Variants in CSMD2 observed in about 807,000 individuals in gnomAD.
The protein encoded by CSMD2 is CUB and sushi domain-containing protein 2.
Under a neutral mutation model 398.5 loss-of-function variants are expected in CSMD2, and 130 were observed. The observed-to-expected ratio is 0.33, with a 90% CI of 0.28 to 0.38. The LOEUF (loss-of-function observed/expected upper bound fraction) is 0.38. CSMD2 is among the 10% of genes least tolerant of loss of function. The pLI is 1.00. For missense variants in CSMD2, 3,829 were observed against 4,764.9 expected (o/e 0.80, Z 5.78); for synonymous variants, 1,828 against 1,908.5 (o/e 0.96, Z 1.10).
intron 2 of CSMD2, among the ~76,000 whole-genome samples, chr1:34,070,939 G>A (rs981244208): frequency 6.6e-6 from 1 of 152,198 alleles, no homozygotes; most frequent in African/African-American, 2.4e-5. Flanking sequence ...AACTTTGGAG[G>A]AGGGAGAAGT....
At chr1:33,655,680 C>T (rs1256138754) in intron 27 of CSMD2, among the ~76,000 whole-genome samples, 1 of 152,214 alleles carries the variant, frequency 6.6e-6, no homozygotes, top group Non-Finnish European at 1.5e-5. Context: ...CCTTTGCTTC[C>T]TCCCTGTAAT....
At chr1:33,908,115 A>G (rs1251637554) in intron 5 of CSMD2, among the ~76,000 whole-genome samples, 3 of 151,138 alleles carry the variant, frequency 2.0e-5, no homozygotes, top group South Asian at 2.1e-4. Context: ...AAAGAAAAGT[A>G]AAAAAGAAAA....
chr1:33,878,885 G>A (rs1241031267), intron 5 of CSMD2, among the ~76,000 whole-genome samples: 1 of 152,208 alleles, frequency 6.6e-6, no homozygotes, highest in East Asian at 1.9e-4. Context: ...TTTGCCACAG[G>A]TAGTAAAGCA....
chr1:33,986,941 T>C (rs1323615478), intron 3 of CSMD2, among the ~76,000 whole-genome samples: 5 of 152,108 alleles, frequency 3.3e-5, no homozygotes, highest in African/African-American at 1.2e-4. Flanking sequence ...CTCGTGTGTG[T>C]GTGTAAGGCT....
At chr1:33,663,508 A>T (rs1162792589) in intron 25 of CSMD2, among the ~76,000 whole-genome samples, 1 of 152,054 alleles carries the variant, frequency 6.6e-6, no homozygotes, top group Non-Finnish European at 1.5e-5. Flanking sequence ...AAAAAAAATA[A>T]TTGGGGCTAG....
intron 15 of CSMD2, among the ~76,000 whole-genome samples, chr1:33,732,878 T>A (rs1646766047): frequency 6.6e-6 from 1 of 152,194 alleles, no homozygotes. Context: ...TGCTTTTGCT[T>A]CCCCTGTGTG....
intron 22 of CSMD2, among the ~76,000 whole-genome samples, chr1:33,706,062 T>C (rs1257462623): frequency 6.6e-6 from 1 of 152,200 alleles, no homozygotes; most frequent in Non-Finnish European, 1.5e-5. Context: ...TTATGTTACA[T>C]TATTCAAGCT....
intron 5 of CSMD2, among the ~76,000 whole-genome samples, chr1:33,871,184 T>A (rs573021674): frequency 6.6e-6 from 1 of 152,308 alleles, no homozygotes; most frequent in East Asian, 1.9e-4. Flanking sequence ...ACTGAAATGA[T>A]GAGTACAGAT....
intron 44 of CSMD2, among the ~76,000 whole-genome samples, chr1:33,591,005 T>C (rs1287790386): frequency 8.0e-6 from 1 of 124,810 alleles, no homozygotes; most frequent in Admixed American, 7.9e-5. Context: ...TTTTTTTTTT[T>C]GAGATGGAGT....
intron 13 of CSMD2, among the ~76,000 whole-genome samples, chr1:33,747,852 C>T (rs912842262): frequency 1.3e-5 from 2 of 152,130 alleles, no homozygotes; most frequent in South Asian, 2.1e-4. Context: ...AGGGCATCAC[C>T]GATTTTAAAA....
At chr1:33,745,044 C>A (rs1647229037) in intron 13 of CSMD2, among the ~76,000 whole-genome samples, 1 of 152,138 alleles carries the variant, frequency 6.6e-6, no homozygotes. Flanking sequence ...AAAATGTGAA[C>A]AAACTATATG....
At chr1:33,675,822 A>G (rs1028753939) in intron 25 of CSMD2, among the ~76,000 whole-genome samples, 25 of 152,346 alleles carry the variant, frequency 1.6e-4, no homozygotes, top group Non-Finnish European at 3.4e-4. Flanking sequence ...ATCAATAAAC[A>G]TAATCCAGCA....
At chr1:33,984,022 C>T (rs1044211059) in intron 3 of CSMD2, among the ~76,000 whole-genome samples, 2 of 152,070 alleles carry the variant, frequency 1.3e-5, no homozygotes, top group Non-Finnish European at 2.9e-5. Flanking sequence ...GGCGTGGTGG[C>T]GCATGCCTGT....
intron 12 of CSMD2, among the ~76,000 whole-genome samples, chr1:33,782,951 G>C (rs909552598): frequency 1.3e-5 from 2 of 152,130 alleles, no homozygotes; most frequent in African/African-American, 4.8e-5. Flanking sequence ...GTGGCAGATG[G>C]GTAGATGGGA....
intron 3 of CSMD2, among the ~76,000 whole-genome samples, chr1:33,942,893 T>G (rs1443824022): frequency 6.6e-6 from 1 of 152,236 alleles, no homozygotes; most frequent in Non-Finnish European, 1.5e-5. Flanking sequence ...ACACTAGCCC[T>G]ATAACTTCCT....
chr1:33,873,208 G>A (rs765033152), intron 5 of CSMD2, among the ~76,000 whole-genome samples: 4 of 152,196 alleles, frequency 2.6e-5, no homozygotes, highest in Non-Finnish European at 2.9e-5. Flanking sequence ...GTGCTCCCAC[G>A]GGAGGAGATG....
At chr1:34,087,650 T>TAATAAG (rs1658052927) in intron 2 of CSMD2, among the ~76,000 whole-genome samples, 2 of 138,030 alleles carry the variant, frequency 1.4e-5, no homozygotes, top group Non-Finnish European at 3.1e-5. Context: ...ATAATAATAA[T>TAATAAG]AATAATAAAG....
intron 1 of CSMD2, among the ~76,000 whole-genome samples, chr1:34,140,728 A>C (rs928117887): frequency 6.6e-6 from 1 of 152,142 alleles, no homozygotes; most frequent in Non-Finnish European, 1.5e-5. Context: ...GGTCTCTCCC[A>C]ATCTCCAATC....
At chr1:33,785,908 C>T (rs1284829307) in intron 12 of CSMD2, among the ~76,000 whole-genome samples, 1 of 152,150 alleles carries the variant, frequency 6.6e-6, no homozygotes, top group Non-Finnish European at 1.5e-5. Context: ...CTCCCAAGTC[C>T]ACTTCTTCTC....
Sources: gnomAD v4.1 joint callset for allele counts (sites outside exome capture counted in the v4.1 genomes callset) on GRCh38, gnomAD v4.1.1 for gene constraint, MANE v1.5 for transcripts, NCBI Gene and HGNC (gene_info 2026-07-23, HGNC 2026-07-21) for gene names.